The following TMEM14C variants were observed in gnomAD, a reference collection of about 807,000 sequenced individuals.
TMEM14C encodes the protein chromosome 6 open reading frame 53.
TMEM14C carries 13 observed loss-of-function variants against 14.8 expected under a neutral mutation model. The observed-to-expected ratio is 0.88, with a 90% CI of 0.57 to 1.40. TMEM14C has a LOEUF of 1.40. Ranked by LOEUF, TMEM14C falls within the 40% of genes most tolerant of loss-of-function variation. The probability of loss-of-function intolerance (pLI) is 0.00; values close to 1 mark genes in which losing one functional copy is unlikely to be tolerated. For missense variants in TMEM14C, 142 were observed against 138.8 expected (o/e 1.02, Z -0.12); for synonymous variants, 57 against 51.3 (o/e 1.11, Z -0.48).
intron 3 of TMEM14C, 140 bp from the exon 4 acceptor site, chr6:10,725,767 C>A: frequency 1.0e-6 from 1 of 979,820 alleles, no homozygotes; most frequent in Non-Finnish European, 1.5e-6. Context: ...GTAACGTCTT[C>A]CTGCTTGAGT....
intron 3 of TMEM14C, 43 bp downstream of exon 3, chr6:10,725,080 G>T (rs762373039): frequency 1.2e-6 from 2 of 1,609,974 alleles, no homozygotes; most frequent in South Asian, 1.1e-5. Context: ...TCTTCACGTT[G>T]TCCCAGTGAA....
intron 5 of TMEM14C, among the ~76,000 whole-genome samples, chr6:10,730,234 G>A (rs1331957924): frequency 1.3e-5 from 2 of 152,210 alleles, no homozygotes; most frequent in Non-Finnish European, 2.9e-5. Context: ...TAGTTGTGAT[G>A]CTACCAGTAT....
rs1771009763 is a variant in TMEM14C, at chr6:10,731,068, G to A, written c.*402G>A. The stretch of plus-strand genomic sequence containing the variant: ...GTTCTTTTGCTCATCTTAGACCACA[G>A]ACTGACTTTGAAATTATGTTAAGTG... On this transcript the variant is annotated 3_prime_UTR_variant, in exon 6 of 6. Coordinates refer to ENST00000229563, the MANE Select transcript of TMEM14C (RefSeq NM_016462.4). The A allele has an allele frequency of 1.0e-6, 1 of 987,092 alleles. No individual in the cohort carries two copies. Among genetic ancestry groups the A allele is most frequent in the Non-Finnish European group, 1.2e-6 (1 of 831,032 alleles). The allele number at this position is 987,092 out of a possible 1,614,324, so 61.1% of individuals were successfully genotyped here.
At position 10,725,005 on chromosome 6, in the gene TMEM14C, C is replaced by G; in HGVS notation, c.65C>G (p.Ala22Gly). 5 of 1,614,206 alleles carry G rather than the reference C, an allele frequency of 3.1e-6. No homozygotes were observed. Among genetic ancestry groups the G allele is most frequent in the Non-Finnish European group, 4.2e-6 (5 of 1,180,040 alleles). The change falls in exon 3 of 6, where the codon GCT (alanine) becomes GGT (glycine). Residue 22 changes from alanine (A) to glycine (G), a missense_variant. Transcript: ENST00000229563. ...WFGFGYAALVASGGIIGYVKA... is the reference protein window; with the variant it reads ...WFGFGYAALVGSGGIIGYVKA... ...GGCTTTGGCTACGCAGCACTGGTTG[C>G]TTCTGGTGGGATCATTGGCTATGTA...
chr6:10,729,931 CTA>C (rs1244280082), intron 5 of TMEM14C, among the ~76,000 whole-genome samples: 4 of 152,096 alleles, frequency 2.6e-5, no homozygotes, highest in African/African-American at 9.7e-5. Context: ...AACCCCATCT[CTA>C]TGAAAAATAC....
chr6:10,727,833 A>G (rs1770912261), intron 4 of TMEM14C, among the ~76,000 whole-genome samples: 1 of 152,076 alleles, frequency 6.6e-6, no homozygotes, highest in African/African-American at 2.4e-5. Flanking sequence ...AAATTAAAAA[A>G]AAAAATGTGA....
intron 3 of TMEM14C, among the ~76,000 whole-genome samples, chr6:10,725,596 G>A (rs1770833090): frequency 6.6e-6 from 1 of 152,116 alleles, no homozygotes. Context: ...AGTCCTTCAT[G>A]GTTGATCAGG....
Position 10,725,905 on chromosome 6 carries a change from A to G in TMEM14C, c.98-2A>G. 6.2e-7 allele frequency: 1 copy of G among 1,613,518 alleles called. No homozygotes were observed. The highest frequency in any genetic ancestry group is 1.1e-5 in the South Asian group (1 of 91,052). ...ATGCAAGCTGTGTTTGCTTCCCTCTAGGCAGCGTGCCGTCCCTGGCTGCAG... is the reference window on the plus strand; with the variant it reads ...ATGCAAGCTGTGTTTGCTTCCCTCTGGGCAGCGTGCCGTCCCTGGCTGCAG... On this transcript the variant is annotated splice_acceptor_variant, in intron 3 of 5. Coordinates refer to ENST00000229563, the MANE Select transcript of TMEM14C (RefSeq NM_016462.4). LOFTEE classifies it high-confidence loss of function.
intron 3 of TMEM14C, among the ~76,000 whole-genome samples, chr6:10,725,493 C>A (rs959400115): frequency 3.3e-5 from 5 of 152,144 alleles, no homozygotes; most frequent in East Asian, 1.9e-4. Context: ...CACCAGAATT[C>A]TTCTTCTCCA....
At position 10,730,723 on chromosome 6, in the gene TMEM14C, AT is replaced by A; in HGVS notation, c.*61del. 1 of 1,524,014 alleles carries A rather than the reference AT, an allele frequency of 6.6e-7. No homozygotes were observed. Among genetic ancestry groups the A allele is most frequent in the Non-Finnish European group, 8.9e-7 (1 of 1,128,314 alleles). 94.4% of individuals were successfully genotyped at this position (1,524,014 alleles called of 1,614,324 possible). A position where few individuals can be genotyped will look rare whatever the true frequency, so the allele number is the denominator to read the frequency against. ...GAATTAAAAATCTGCATCTTCCACTATTTTCAATATATTAAGAGAAATAAGT... is the reference window on the plus strand; with the variant it reads ...GAATTAAAAATCTGCATCTTCCACTATTTCAATATATTAAGAGAAATAAGT... On this transcript the variant is annotated 3_prime_UTR_variant, in exon 6 of 6. Coordinates refer to ENST00000229563, the MANE Select transcript of TMEM14C (RefSeq NM_016462.4).
intron 5 of TMEM14C, 167 bp downstream of exon 5, chr6:10,728,894 A>G: frequency 6.8e-7 from 1 of 1,467,574 alleles, no homozygotes; most frequent in Non-Finnish European, 9.2e-7. Context: ...AGCTAGTTTA[A>G]TGTCAAAATG....
chr6:10,728,852 T>G, intron 5 of TMEM14C, 125 bp downstream of exon 5: 1 of 1,538,878 alleles, frequency 6.5e-7, no homozygotes, highest in Non-Finnish European at 8.8e-7. Context: ...ACATTTGATA[T>G]ATACACTAAT....
rs954173845 is a variant in TMEM14C, at chr6:10,724,951, G to T, written c.21-10G>T. On this transcript the variant is annotated splice_polypyrimidine_tract_variant and intron_variant, in intron 2 of 5. Coordinates refer to ENST00000229563, the MANE Select transcript of TMEM14C (RefSeq NM_016462.4). ...AGGTTAGCACTGACTTCTCCCTCTTGTGTTTTCAGAGTGCCTTTGCATTGG... is the reference window on the plus strand; with the variant it reads ...AGGTTAGCACTGACTTCTCCCTCTTTTGTTTTCAGAGTGCCTTTGCATTGG... 14 of 1,614,122 alleles carry T rather than the reference G, an allele frequency of 8.7e-6. No homozygotes were observed. Among genetic ancestry groups the T allele is most frequent in the Non-Finnish European group, 1.2e-5 (14 of 1,180,042 alleles).
In TMEM14C at chr6:10,723,804, A is replaced by G. The variant is rs532418935; in HGVS notation, c.-45+563A>G. On this transcript the variant is annotated intron_variant, in intron 1 of 5. Transcript: ENST00000229563. Reference sequence around the variant, plus strand: ...TTTTTAGTAGACAATGGGTTTCACTATGTTGGCCAGGCTGGTCTTGAACTC... The same window carrying G: ...TTTTTAGTAGACAATGGGTTTCACTGTGTTGGCCAGGCTGGTCTTGAACTC... Among the ~76,000 whole-genome samples, 10 of 152,188 alleles carry G rather than the reference A, an allele frequency of 6.6e-5. No individual in the cohort carries two copies. The East Asian group carries it at 9.7e-4, about 15-fold the overall frequency.
At chr6:10,728,833 T>C in intron 5 of TMEM14C, 106 bp downstream of exon 5, 1 of 1,571,368 alleles carries the variant, frequency 6.4e-7, no homozygotes, top group Non-Finnish European at 8.6e-7. Context: ...TGATGCTATG[T>C]ATCAACTGAC....
intron 3 of TMEM14C, among the ~76,000 whole-genome samples, chr6:10,725,349 T>C (rs1420313561): frequency 6.6e-6 from 1 of 152,154 alleles, no homozygotes; most frequent in East Asian, 1.9e-4. Flanking sequence ...ATCTCTGGGC[T>C]CAAGTAGGAG....
chr6:10,723,594 CTTTTTT>C (rs34904534), intron 1 of TMEM14C, among the ~76,000 whole-genome samples: 1 of 118,712 alleles, frequency 8.4e-6, no homozygotes, highest in African/African-American at 3.4e-5. Context: ...AAACTTAATT[CTTTTTT>C]TTTTTTTTTT....
rs533410242 is a variant in TMEM14C, at chr6:10,727,777, C to T, written c.200-863C>T. ...TGGAGGTTGCAGTGAGCCAAGATCA[C>T]GCCACTGCACTCTAGCCTGGGCGAC... On this transcript the variant is annotated intron_variant, in intron 4 of 5. Coordinates refer to ENST00000229563, the MANE Select transcript of TMEM14C (RefSeq NM_016462.4). 1.1e-4 allele frequency among the ~76,000 whole-genome samples: 16 copies of T among 151,922 alleles called. No individual in the cohort carries two copies. The South Asian group carries it at 2.9e-3, about 28-fold the overall frequency.
At chr6:10,728,874 C>G in intron 5 of TMEM14C, 147 bp downstream of exon 5, 1 of 1,511,392 alleles carries the variant, frequency 6.6e-7, no homozygotes, top group Non-Finnish European at 8.9e-7. Flanking sequence ...GGAAATGTTT[C>G]AAAAACAATA....
Sources: gnomAD v4.1 joint callset for allele counts (sites outside exome capture counted in the v4.1 genomes callset) on GRCh38, gnomAD v4.1.1 for gene constraint, MANE v1.5 for transcripts, NCBI Gene and HGNC (gene_info 2026-07-23, HGNC 2026-07-21) for gene names.